Variants in PDE10A observed in about 807,000 individuals in gnomAD.
PDE10A encodes phosphodiesterase 10A.
PDE10A carries 39 observed loss-of-function variants against 97.7 expected under a neutral mutation model. That is an observed-to-expected ratio of 0.40 (90% CI 0.31 to 0.52). The LOEUF (loss-of-function observed/expected upper bound fraction) is 0.52, where lower values mean the gene tolerates loss of function less well. PDE10A is among the 20% of genes least tolerant of loss of function. PDE10A has a pLI of 0.56. For synonymous variants in PDE10A, 371 were observed against 376.8 expected (o/e 0.98, Z 0.18); for missense variants, 731 against 1,047.8 (o/e 0.70, Z 4.17).
At chr6:165,583,224 A>T (rs770359450) in intron 1 of PDE10A, among the ~76,000 whole-genome samples, 15 of 152,222 alleles carry the variant, frequency 9.9e-5, no homozygotes, top group Non-Finnish European at 1.6e-4. Context: ...TCACTTGCCA[A>T]AGTTTACATA....
At chr6:165,738,528 A>G (rs999181348) in intron 1 of PDE10A, among the ~76,000 whole-genome samples, 1 of 152,038 alleles carries the variant, frequency 6.6e-6, no homozygotes, top group African/African-American at 2.4e-5. Context: ...GTATATACCC[A>G]GTAATGGGAT....
intron 2 of PDE10A, among the ~76,000 whole-genome samples, chr6:165,522,573 C>T (rs1782194932): frequency 6.6e-6 from 1 of 152,034 alleles, no homozygotes; most frequent in Admixed American, 6.6e-5. Flanking sequence ...AACATCCCCT[C>T]ATCATAAAAG....
intron 1 of PDE10A, among the ~76,000 whole-genome samples, chr6:165,963,175 C>A (rs1412471947): frequency 1.3e-5 from 2 of 152,184 alleles, no homozygotes; most frequent in Non-Finnish European, 2.9e-5. Flanking sequence ...TCCCCCCACA[C>A]CCTAATATAT....
chr6:165,691,117 AT>A (rs1562687060), intron 1 of PDE10A, among the ~76,000 whole-genome samples: 1 of 17,932 alleles, frequency 5.6e-5, no homozygotes, highest in African/African-American at 1.5e-4. Flanking sequence ...CCCCCCCCCC[AT>A]CAGTGCCTGT....
At chr6:165,911,766 C>G (rs1040273556) in intron 1 of PDE10A, among the ~76,000 whole-genome samples, 2 of 152,220 alleles carry the variant, frequency 1.3e-5, no homozygotes, top group Non-Finnish European at 2.9e-5. Flanking sequence ...AGGCCTACCC[C>G]CAAGAGGGAC....
intron 1 of PDE10A, among the ~76,000 whole-genome samples, chr6:165,814,772 A>T (rs577081510): frequency 1.3e-5 from 2 of 152,222 alleles, no homozygotes; most frequent in African/African-American, 4.8e-5. Context: ...AGCCCAGCCT[A>T]CCACAAAGAG....
At chr6:165,501,550 A>AT (rs1271476826) in intron 2 of PDE10A, among the ~76,000 whole-genome samples, 5 of 151,412 alleles carry the variant, frequency 3.3e-5, no homozygotes, top group Non-Finnish European at 2.9e-5. Flanking sequence ...TCCAGCCTGG[A>AT]TGAAAGGGCG....
chr6:165,883,750 G>A (rs182186678), intron 1 of PDE10A, among the ~76,000 whole-genome samples: 7 of 152,162 alleles, frequency 4.6e-5, no homozygotes, highest in African/African-American at 1.7e-4. Flanking sequence ...AACACGAGGA[G>A]GTGTGTGATC....
rs377363371 is a variant in PDE10A at position 165,482,725 on chromosome 6, G to A, written c.995-382C>T. Among the ~76,000 whole-genome samples the A allele has an allele frequency of 1.9e-4, 29 of 152,188 alleles. No homozygotes were observed. In the South Asian group the frequency reaches 5.8e-3, roughly 30 times the overall value. On this transcript the variant is annotated intron_variant, in intron 2 of 21. Transcript: ENST00000539869. ...ATATCCCAAATGACCTTTAACACTC[G>A]TGCTTCGAAGGTTAGTTCCAGCAGA...
chr6:165,426,764 ACAAGT>A (rs1253295885), intron 10 of PDE10A, among the ~76,000 whole-genome samples: 1 of 152,170 alleles, frequency 6.6e-6, no homozygotes, highest in African/African-American at 2.4e-5. Flanking sequence ...AGAACTCTTA[ACAAGT>A]CAATAATAAA....
intron 1 of PDE10A, among the ~76,000 whole-genome samples, chr6:165,544,045 A>G (rs1583508030): frequency 1.3e-5 from 2 of 152,128 alleles, no homozygotes; most frequent in East Asian, 3.9e-4. Context: ...CAGAGTACTT[A>G]TTTTTTCGGT....
chr6:165,775,660 T>G (rs972286262), intron 1 of PDE10A: 19 of 152,346 alleles, frequency 1.2e-4, no homozygotes, highest in African/African-American at 4.1e-4. Flanking sequence ...GGGAAAAAAG[T>G]CGTAGTGTTA....
intron 1 of PDE10A, among the ~76,000 whole-genome samples, chr6:165,612,673 T>C (rs971979805): frequency 1.6e-4 from 24 of 152,268 alleles, no homozygotes; most frequent in African/African-American, 5.8e-4. Context: ...CCAGCCATAT[T>C]TTTGTCTCAT....
At chr6:165,452,216 G>T (rs1284048603) in intron 3 of PDE10A, among the ~76,000 whole-genome samples, 1 of 152,222 alleles carries the variant, frequency 6.6e-6, no homozygotes, top group African/African-American at 2.4e-5. Context: ...CAGAAGATGG[G>T]ATATTGATGT....
intron 18 of PDE10A, among the ~76,000 whole-genome samples, chr6:165,367,867 G>A (rs1783916154): frequency 6.6e-6 from 1 of 152,062 alleles, no homozygotes; most frequent in Non-Finnish European, 1.5e-5. Flanking sequence ...AACACACTGA[G>A]AGATGTTAAA....
At chr6:165,427,179 C>G (rs929323647) in intron 10 of PDE10A, among the ~76,000 whole-genome samples, 6 of 152,084 alleles carry the variant, frequency 3.9e-5, no homozygotes, top group African/African-American at 1.4e-4. Flanking sequence ...CACAGCAGCA[C>G]TATTTACAAG....
intron 1 of PDE10A, among the ~76,000 whole-genome samples, chr6:165,954,152 A>C (rs1179017539): frequency 6.6e-6 from 1 of 152,220 alleles, no homozygotes; most frequent in Non-Finnish European, 1.5e-5. Context: ...CCATTTACCT[A>C]ACCGAGGGTA....
At chr6:165,379,530 C>T (rs765692038) in intron 17 of PDE10A, among the ~76,000 whole-genome samples, 164 bp from the exon 18 acceptor site, 3 of 152,042 alleles carry the variant, frequency 2.0e-5, no homozygotes, top group Non-Finnish European at 2.9e-5. Context: ...AAATGACTAA[C>T]GAAAACTGCG....
At chr6:165,533,065 C>A in intron 2 of PDE10A, among the ~76,000 whole-genome samples, 1 of 152,158 alleles carries the variant, frequency 6.6e-6, no homozygotes, top group East Asian at 1.9e-4. Flanking sequence ...ATTCTTCAAT[C>A]TCAAGCAAAT....
Sources: allele counts gnomAD v4.1 joint callset (sites outside exome capture counted in the v4.1 genomes callset), GRCh38; gene constraint gnomAD v4.1.1; transcripts MANE v1.5; gene names NCBI Gene and HGNC (gene_info 2026-07-23, HGNC 2026-07-21).